The following GRIP1 variants were observed in gnomAD, a reference collection of about 807,000 sequenced individuals.
The protein encoded by GRIP1 is glutamate receptor interacting protein 1.
A neutral mutation model predicts 129.9 loss-of-function variants in GRIP1; 45 were observed. That is an observed-to-expected ratio of 0.35 (90% confidence interval 0.27 to 0.44). GRIP1 has a LOEUF of 0.44. GRIP1 is among the 20% of genes least tolerant of loss of function. The pLI is 1.00. For missense variants in GRIP1, 1,196 were observed against 1,396.8 expected (o/e 0.86, Z 2.29); for synonymous variants, 530 against 520.8 (o/e 1.02, Z -0.24).
intron 1 of GRIP1, among the ~76,000 whole-genome samples, chr12:66,800,800 A>G (rs2038835635): frequency 6.6e-6 from 1 of 152,118 alleles, no homozygotes; most frequent in Non-Finnish European, 1.5e-5. Context: ...CTCAAGGAAA[A>G]ATACCAAATG....
intron 1 of GRIP1, among the ~76,000 whole-genome samples, chr12:66,831,341 T>C (rs58759095): frequency 6.6e-6 from 1 of 152,178 alleles, no homozygotes; most frequent in African/African-American, 2.4e-5. Flanking sequence ...ATTATGTTAA[T>C]GTTATTTATA....
intron 7 of GRIP1, among the ~76,000 whole-genome samples, chr12:66,505,528 T>C (rs551563228): frequency 2.0e-5 from 3 of 152,308 alleles, no homozygotes; most frequent in East Asian, 3.9e-4. Context: ...TTCTAACTTA[T>C]AAAACTGTAA....
At chr12:66,900,344 C>A (rs2040824250) in intron 1 of GRIP1, among the ~76,000 whole-genome samples, 1 of 152,104 alleles carries the variant, frequency 6.6e-6, no homozygotes, top group African/African-American at 2.4e-5. Context: ...ATAAAAGAGA[C>A]CCCAGAGAGC....
intron 19 of GRIP1, 84 bp from the exon 20 acceptor site, chr12:66,379,520 C>T: frequency 7.7e-7 from 1 of 1,306,696 alleles, no homozygotes; most frequent in Middle Eastern, 1.9e-4. Context: ...GTAGAGGAGT[C>T]AAATTATAAC....
At chr12:66,549,571 C>T (rs12297649) in intron 2 of GRIP1, among the ~76,000 whole-genome samples, 2,590 of 152,202 alleles carry the variant, frequency 0.017, 68 homozygotes, top group African/African-American at 0.059. Context: ...TTCCTAATAT[C>T]CCCTGGTTCA....
chr12:66,890,706 C>T (rs10878519), intron 1 of GRIP1, among the ~76,000 whole-genome samples: 60,310 of 151,996 alleles, frequency 0.4, 12,466 homozygotes, highest in East Asian at 0.67. Flanking sequence ...ATAACTGGAA[C>T]ACAAATGAGT....
intron 11 of GRIP1, among the ~76,000 whole-genome samples, chr12:66,451,383 GTT>G (rs1169331519): frequency 4.7e-5 from 2 of 42,646 alleles, no homozygotes; most frequent in Admixed American, 3.2e-4. Flanking sequence ...ATTATAATCT[GTT>G]TTTTTTTTTT....
chr12:66,873,189 T>C (rs2040325380), intron 1 of GRIP1, among the ~76,000 whole-genome samples: 1 of 152,074 alleles, frequency 6.6e-6, no homozygotes, highest in Non-Finnish European at 1.5e-5. Flanking sequence ...TTACCATTTA[T>C]GACCCACCTA....
At chr12:66,364,976 G>T (rs184490712) in intron 23 of GRIP1, among the ~76,000 whole-genome samples, 18 of 152,130 alleles carry the variant, frequency 1.2e-4, no homozygotes, top group Admixed American at 1.0e-3. Flanking sequence ...AAGTAAAAAT[G>T]ACTGAGACTT....
At chr12:66,380,441 C>T (rs1020973406) in intron 19 of GRIP1, among the ~76,000 whole-genome samples, 4 of 152,074 alleles carry the variant, frequency 2.6e-5, no homozygotes, top group African/African-American at 7.2e-5. Flanking sequence ...AAGCCTGCTG[C>T]GTTTATTGTT....
chr12:66,717,286 A>T (rs1479382303), intron 1 of GRIP1, among the ~76,000 whole-genome samples: 1 of 152,158 alleles, frequency 6.6e-6, no homozygotes, highest in Non-Finnish European at 1.5e-5. Flanking sequence ...CCAATTTTAA[A>T]GAAAATGCTT....
chr12:66,867,182 T>C (rs1029970221), intron 1 of GRIP1, among the ~76,000 whole-genome samples: 2 of 152,034 alleles, frequency 1.3e-5, no homozygotes, highest in African/African-American at 2.4e-5. Context: ...AGAGACGGTG[T>C]TTCACCATGT....
At chr12:66,993,368 A>G (rs1213039169) in intron 1 of GRIP1, among the ~76,000 whole-genome samples, 2 of 152,036 alleles carry the variant, frequency 1.3e-5, no homozygotes, top group Admixed American at 6.5e-5. Flanking sequence ...ATAAATTAAT[A>G]AAATGAAAAT....
intron 1 of GRIP1, among the ~76,000 whole-genome samples, chr12:66,839,505 A>G (rs1220223520): frequency 6.6e-6 from 1 of 152,214 alleles, no homozygotes; most frequent in African/African-American, 2.4e-5. Context: ...GTCTATGCAC[A>G]TGCTAATATA....
At chr12:66,704,169 A>G (rs2035448428) in intron 1 of GRIP1, among the ~76,000 whole-genome samples, 1 of 152,148 alleles carries the variant, frequency 6.6e-6, no homozygotes, top group South Asian at 2.1e-4. Context: ...AAACATCAAA[A>G]TAAACTTTAG....
chr12:67,063,676 G>T (rs2043573230), intron 1 of GRIP1, among the ~76,000 whole-genome samples: 1 of 152,094 alleles, frequency 6.6e-6, no homozygotes, highest in Non-Finnish European at 1.5e-5. Context: ...AATCCTAAAT[G>T]CCTTTAATAG....
chr12:66,899,838 G>A (rs892098924), intron 1 of GRIP1, among the ~76,000 whole-genome samples: 1 of 152,174 alleles, frequency 6.6e-6, no homozygotes, highest in Non-Finnish European at 1.5e-5. Flanking sequence ...ATATTCACAG[G>A]AGAACAAAGA....
At chr12:67,028,455 A>G (rs2042971426) in intron 1 of GRIP1, among the ~76,000 whole-genome samples, 1 of 152,194 alleles carries the variant, frequency 6.6e-6, no homozygotes, top group African/African-American at 2.4e-5. Flanking sequence ...TTATATCAGC[A>G]ATTTTCTGCA....
intron 11 of GRIP1, among the ~76,000 whole-genome samples, chr12:66,445,968 C>T (rs75132310): frequency 8.2e-4 from 125 of 152,258 alleles, no homozygotes; most frequent in African/African-American, 2.8e-3. Context: ...ACAATCCTAT[C>T]TTCAGCTTTG....
Sources: gnomAD v4.1 joint callset for allele counts (sites outside exome capture counted in the v4.1 genomes callset) on GRCh38, gnomAD v4.1.1 for gene constraint, MANE v1.5 for transcripts, NCBI Gene and HGNC (gene_info 2026-07-23, HGNC 2026-07-21) for gene names.